Variants in ATAD1 observed in about 807,000 individuals in gnomAD.
ATAD1 encodes outer mitochondrial transmembrane helix translocase.
In ATAD1, 18 loss-of-function variants were observed where a neutral mutation model predicts 42.7. The observed-to-expected ratio is 0.42, with a 90% CI of 0.29 to 0.63. The LOEUF (loss-of-function observed/expected upper bound fraction) is 0.63, where lower values mean the gene tolerates loss of function less well. Among genes scored for constraint, ATAD1 ranks in the 20% least tolerant of loss-of-function variants. The pLI is 0.19. For missense variants in ATAD1, 294 were observed against 440.4 expected (o/e 0.67, Z 2.98); for synonymous variants, 132 against 143.1 (o/e 0.92, Z 0.55).
chr10:87,801,160 G>A (rs1214134648), intron 2 of ATAD1, among the ~76,000 whole-genome samples: 1 of 152,146 alleles, frequency 6.6e-6, no homozygotes, highest in Non-Finnish European at 1.5e-5. Context: ...TTTTTATTAG[G>A]CCTTATCGTT....
Position 87,814,434 on chromosome 10 carries a change from A to G in ATAD1, c.162+4T>C, listed in dbSNP as rs1857321956. The G allele has an allele frequency of 1.9e-6, 3 of 1,577,718 alleles. No individual in the cohort carries two copies. The highest frequency in any genetic ancestry group is 1.8e-5 in the Admixed American group (1 of 54,686). The stretch of plus-strand genomic sequence containing the variant: ...AAAATGATCTTCAAACATTTCAATC[A>G]TACCTGTTTCTGAGCTTCTACTTTT... On this transcript the variant is annotated splice_donor_region_variant and intron_variant, in intron 2 of 9. Coordinates refer to ENST00000680024, the MANE Select transcript of ATAD1 (RefSeq NM_001321967.2).
In ATAD1 at chr10:87,767,739, T is replaced by C; in HGVS notation, c.781-16A>G. ...GTTTTAAAGCCTAAAAGCAGGATAA[T>C]TTCCAGTTAGCATTTTTATTTTTTA... On this transcript the variant is annotated splice_polypyrimidine_tract_variant and intron_variant, in intron 7 of 9. Coordinates refer to ENST00000680024, the MANE Select transcript of ATAD1 (RefSeq NM_001321967.2). 3 of 1,593,156 alleles carry C rather than the reference T, an allele frequency of 1.9e-6. No individual in the cohort carries two copies. Among genetic ancestry groups the C allele is most frequent in the Non-Finnish European group, 1.7e-6 (2 of 1,172,850 alleles).
chr10:87,812,983 T>C (rs1424575682), intron 2 of ATAD1, among the ~76,000 whole-genome samples: 1 of 152,224 alleles, frequency 6.6e-6, no homozygotes, highest in African/African-American at 2.4e-5. Context: ...CTTACTATTA[T>C]AATTTATATT....
chr10:87,826,420 C>G (rs1424891869), intron 1 of ATAD1, among the ~76,000 whole-genome samples: 1 of 152,200 alleles, frequency 6.6e-6, no homozygotes, highest in African/African-American at 2.4e-5. Context: ...TTTGTGCCTT[C>G]TGAGTTCTCA....
chr10:87,821,046 TTATTC>T (rs1358043836), upstream of ATAD1, among the ~76,000 whole-genome samples: 1 of 152,162 alleles, frequency 6.6e-6, no homozygotes, highest in African/African-American at 2.4e-5. Flanking sequence ...AATTATTACT[TTATTC>T]TAGAAAGTTT....
chr10:87,796,287 A>G (rs998300671), intron 2 of ATAD1, among the ~76,000 whole-genome samples: 2 of 152,202 alleles, frequency 1.3e-5, no homozygotes, highest in African/African-American at 4.8e-5. Flanking sequence ...TAAAGGGAAA[A>G]GTGAAGCTGG....
In ATAD1 at chr10:87,805,345, T is replaced by C. The variant is rs190069370; in HGVS notation, c.162+9093A>G. Among the ~76,000 whole-genome samples, 531 of 152,342 alleles carry C rather than the reference T, an allele frequency of 3.5e-3. 4 individuals carry two copies. The highest frequency in any genetic ancestry group is 0.012 in the African/African-American group (494 of 41,582). On this transcript the variant is annotated intron_variant, in intron 2 of 9. Transcript: ENST00000680024. Reference sequence around the variant, plus strand: ...AGTCATTACTTTAATGATGTGCTCCTGAGAAATCCTTACACTTCTTGTTAT... The same window carrying C: ...AGTCATTACTTTAATGATGTGCTCCCGAGAAATCCTTACACTTCTTGTTAT...
At chr10:87,829,267 T>C (rs1163634236) in intron 1 of ATAD1, among the ~76,000 whole-genome samples, 1 of 151,476 alleles carries the variant, frequency 6.6e-6, no homozygotes, top group Non-Finnish European at 1.5e-5. Context: ...ATTTATTTAT[T>C]TATTATGAGA....
intron 2 of ATAD1, among the ~76,000 whole-genome samples, chr10:87,803,852 CCT>C (rs149775670): frequency 0.019 from 2,848 of 152,292 alleles, 81 homozygotes; most frequent in African/African-American, 0.064. Flanking sequence ...AGTTTTTTCT[CCT>C]CTGATTCCCA....
upstream of ATAD1, among the ~76,000 whole-genome samples, chr10:87,823,117 G>T (rs1357377518): frequency 6.7e-6 from 1 of 149,882 alleles, no homozygotes; most frequent in Non-Finnish European, 1.5e-5. Flanking sequence ...CAACAGCAAA[G>T]TTCAAAGAAC....
intron 1 of ATAD1, among the ~76,000 whole-genome samples, chr10:87,825,550 C>T (rs1222036098): frequency 6.6e-6 from 1 of 152,158 alleles, no homozygotes; most frequent in Non-Finnish European, 1.5e-5. Flanking sequence ...ACCTCATGAT[C>T]CGCCCACCTC....
rs539627513 is a variant in ATAD1, at chr10:87,800,184, C to CTA, written c.163-7431_163-7430dup. Among the ~76,000 whole-genome samples the CTA allele has an allele frequency of 7.9e-4, 120 of 151,396 alleles. 1 individual carries two copies. In the South Asian group the frequency reaches 0.012, roughly 16 times the overall value. ...GGACTTGATGTAAAAAAAATTATGT[C>CTA]TATATATATATACACACACACTAAA... On this transcript the variant is annotated intron_variant, in intron 2 of 9. Coordinates refer to ENST00000680024, the MANE Select transcript of ATAD1 (RefSeq NM_001321967.2).
At chr10:87,800,816 CACA>C (rs1476785931) in intron 2 of ATAD1, among the ~76,000 whole-genome samples, 1 of 152,102 alleles carries the variant, frequency 6.6e-6, no homozygotes, top group Non-Finnish European at 1.5e-5. Flanking sequence ...GTTTCTAAAA[CACA>C]AGGCCAGAAA....
intron 1 of ATAD1, among the ~76,000 whole-genome samples, chr10:87,815,344 C>G (rs1857367502): frequency 6.6e-6 from 1 of 151,976 alleles, no homozygotes; most frequent in Non-Finnish European, 1.5e-5. Context: ...TCAATCAAAG[C>G]TAGGCTTACA....
intron 2 of ATAD1, among the ~76,000 whole-genome samples, chr10:87,812,001 T>C (rs932140520): frequency 1.3e-5 from 2 of 152,216 alleles, no homozygotes; most frequent in Admixed American, 1.3e-4. Flanking sequence ...ATGTCCTTTT[T>C]CTTTTCCCAC....
intron 5 of ATAD1, among the ~76,000 whole-genome samples, chr10:87,777,011 T>G (rs1448533309): frequency 6.6e-6 from 1 of 152,218 alleles, no homozygotes; most frequent in East Asian, 1.9e-4. Flanking sequence ...TTGGGCTATG[T>G]GTTTTAGACA....
chr10:87,825,308 C>G (rs1857704508), intron 1 of ATAD1, among the ~76,000 whole-genome samples: 1 of 132,944 alleles, frequency 7.5e-6, no homozygotes, highest in African/African-American at 2.8e-5. Context: ...AAATCTTAAC[C>G]TTTTTTTTTT....
At chr10:87,781,306 C>T (rs967441930) in intron 5 of ATAD1, among the ~76,000 whole-genome samples, 1 of 151,982 alleles carries the variant, frequency 6.6e-6, no homozygotes, top group East Asian at 1.9e-4. Context: ...AAATAACAAG[C>T]TACAGTAAAA....
chr10:87,786,900 A>G (rs1160655370), intron 4 of ATAD1, among the ~76,000 whole-genome samples: 1 of 152,100 alleles, frequency 6.6e-6, no homozygotes, highest in Non-Finnish European at 1.5e-5. Context: ...GGTTGCAGTG[A>G]GCCGAGATTG....
Sources: gnomAD v4.1 joint callset for allele counts (sites outside exome capture counted in the v4.1 genomes callset) on GRCh38, gnomAD v4.1.1 for gene constraint, MANE v1.5 for transcripts, NCBI Gene and HGNC (gene_info 2026-07-23, HGNC 2026-07-21) for gene names.